The following DMXL1 variants were observed in gnomAD, a reference collection of about 807,000 sequenced individuals.
The protein encoded by DMXL1 is dmX-like protein 1.
DMXL1 carries 99 observed loss-of-function variants against 319.2 expected under a neutral mutation model. The observed-to-expected ratio is 0.31, with a 90% CI of 0.26 to 0.37. The LOEUF is 0.37. Ranked by LOEUF, DMXL1 falls within the 10% of genes least tolerant of loss-of-function variation. The pLI is 1.00. For synonymous variants in DMXL1, 1,385 were observed against 1,235.2 expected (o/e 1.12, Z -2.54); for missense variants, 3,745 against 3,595.6 (o/e 1.04, Z -1.06).
intron 25 of DMXL1, among the ~76,000 whole-genome samples, chr5:119,174,131 C>CT (rs1039741155): frequency 2.0e-5 from 3 of 152,044 alleles, no homozygotes; most frequent in Admixed American, 6.6e-5. Flanking sequence ...GCACAATCTG[C>CT]TTTAATCAGT....
chr5:119,168,722 A>G (rs1040807687), intron 23 of DMXL1, among the ~76,000 whole-genome samples: 1 of 142,358 alleles, frequency 7.0e-6, no homozygotes, highest in Non-Finnish European at 1.5e-5. Context: ...GTTTTTATTT[A>G]AAAAAAAAAA....
chr5:119,216,281 A>G (rs1019390871), intron 34 of DMXL1, among the ~76,000 whole-genome samples: 3 of 152,088 alleles, frequency 2.0e-5, no homozygotes, highest in African/African-American at 7.2e-5. Flanking sequence ...AAGGTCAAAT[A>G]TATGTCCCTC....
chr5:119,194,506 ATGT>A (rs1170626137), intron 30 of DMXL1, among the ~76,000 whole-genome samples: 3 of 150,416 alleles, frequency 2.0e-5, no homozygotes, highest in African/African-American at 7.6e-5. Context: ...CTCTATTGAT[ATGT>A]TTACATCTAA....
At chr5:119,211,250 A>G (rs1368711475) in intron 34 of DMXL1, among the ~76,000 whole-genome samples, 1 of 152,142 alleles carries the variant, frequency 6.6e-6, no homozygotes, top group Non-Finnish European at 1.5e-5. Context: ...TGTTGGTCTC[A>G]GATTAGTGCT....
At chr5:119,157,382 C>CA (rs1295468738) in intron 19 of DMXL1, among the ~76,000 whole-genome samples, 9 of 152,038 alleles carry the variant, frequency 5.9e-5, no homozygotes, top group Admixed American at 3.9e-4. Context: ...GTGTGATATC[C>CA]AAAAAAATCA....
In DMXL1 at chr5:119,121,048, G is replaced by A. The variant is rs1761933373; in HGVS notation, c.1011G>A (p.Gln337=). The change falls in exon 9 of 44, where the codon CAG becomes CAA. Residue 337 remains glutamine, a synonymous_variant. Coordinates refer to ENST00000539542, the MANE Select transcript of DMXL1 (RefSeq NM_001290321.3). ...CACATACGGGATATCTACCACATCAGCAGGATCCTCATCATGTTCACAGGA... is the reference window on the plus strand; with the variant it reads ...CACATACGGGATATCTACCACATCAACAGGATCCTCATCATGTTCACAGGA... ...LVAHTGYLPH[Q]QDPHHVHRNT... 2 of 1,613,782 alleles carry A rather than the reference G, an allele frequency of 1.2e-6. No homozygotes were observed. Among genetic ancestry groups the A allele is most frequent in the Non-Finnish European group, 8.5e-7 (1 of 1,179,946 alleles).
chr5:119,215,452 T>C lies in DMXL1; in HGVS notation c.7927-1449T>C, dbSNP rs574448542. On this transcript the variant is annotated intron_variant, in intron 34 of 43. Transcript: ENST00000539542. ...CCACTCAAGTAGCTGGGATTACCGA[T>C]GCGCACCATCACGCCTGGCTAATTT... 6.6e-5 allele frequency among the ~76,000 whole-genome samples: 10 copies of C among 152,184 alleles called. No homozygotes were observed. In the South Asian group the frequency reaches 2.1e-3, roughly 32 times the overall value.
Position 119,134,289 on chromosome 5 carries a change from G to A in DMXL1, c.2276G>A (p.Ser759Asn). 1 of 1,613,726 alleles carries A rather than the reference G, an allele frequency of 6.2e-7. No individual in the cohort carries two copies. The highest frequency in any genetic ancestry group is 1.1e-5 in the South Asian group (1 of 90,998). ...CTAGGTGCATACTGCAACTCTCCTA[G>A]TGCATGCTTTGTAGCCAGTGATGGA... ...YCLGAYCNSPSACFVASDGQY... is the reference protein window; with the variant it reads ...YCLGAYCNSPNACFVASDGQY... Residue 759 changes from serine to asparagine, a missense_variant, in exon 13 of 44, where the codon AGT becomes AAT. Physicochemically the swap from Ser to Asn is conservative, Grantham distance 46. Coordinates refer to ENST00000539542, the MANE Select transcript of DMXL1 (RefSeq NM_001290321.3).
At chr5:119,188,281 A>G (rs1778105933) in intron 28 of DMXL1, among the ~76,000 whole-genome samples, 1 of 152,202 alleles carries the variant, frequency 6.6e-6, no homozygotes, top group Admixed American at 6.5e-5. Context: ...ACATAAAAAC[A>G]AAAACAGCCA....
rs769621118 is a variant in DMXL1 at position 119,133,146 on chromosome 5, G to A, written c.1330G>A (p.Val444Ile). ...TTTGCTTATAGAAACTGATGATGGT[G>A]TTGATGATCTGAAAATAAATCCCGA... ...VKSDEETDDG[V>I]DDLKINPEKK... The change falls in exon 11 of 44, where the codon GTT (valine) becomes ATT (isoleucine). Residue 444 changes from valine to isoleucine, a missense_variant. Around this residue, in one of 4 missense-constraint regions of DMXL1, gnomAD observed 2,096 missense variants for 1,985.4 expected, o/e 1.06. Coordinates refer to ENST00000539542, the MANE Select transcript of DMXL1 (RefSeq NM_001290321.3). 1.2e-6 allele frequency: 2 copies of A among 1,613,902 alleles called. No individual in the cohort carries two copies. The highest frequency in any genetic ancestry group is 1.7e-6 in the Non-Finnish European group (2 of 1,179,864).
At chr5:119,124,904 C>G (rs998645629) in intron 9 of DMXL1, among the ~76,000 whole-genome samples, 5 of 152,152 alleles carry the variant, frequency 3.3e-5, no homozygotes, top group African/African-American at 1.2e-4. Flanking sequence ...TTAAAATTTG[C>G]TTGTTACCAA....
chr5:119,211,003 G>A (rs1032177952), intron 34 of DMXL1, among the ~76,000 whole-genome samples: 1 of 141,596 alleles, frequency 7.1e-6, no homozygotes, highest in East Asian at 2.1e-4. Flanking sequence ...TTTATCAAAT[G>A]ATTTTTTTTT....
chr5:119,127,156 A>G (rs1330136595), intron 9 of DMXL1: 1 of 160,250 alleles, frequency 6.2e-6, no homozygotes, highest in Non-Finnish European at 1.4e-5. Flanking sequence ...CGTAATGGGC[A>G]TTATCAGGAA....
chr5:119,150,203 T>C lies in DMXL1; in HGVS notation c.4376T>C (p.Leu1459Ser), dbSNP rs557735306. The stretch of plus-strand genomic sequence containing the variant: ...CTTCTAATGACTGATACTCATATGT[T>C]AGAGACAGATGAAGAAAATACAAAG... Reference protein sequence around the residue: ...TQLLMTDTHMLETDEENTKPR... With the variant: ...TQLLMTDTHMSETDEENTKPR... The change falls in exon 18 of 44, where the codon TTA becomes TCA. Residue 1459 changes from leucine to serine, a missense_variant. This residue lies in a region of DMXL1 where 2,096 missense variants were observed against 1,985.4 expected (regional missense o/e 1.06). Transcript: ENST00000539542. The C allele has an allele frequency of 2.8e-5, 45 of 1,613,660 alleles. No individual in the cohort carries two copies. In the South Asian group the frequency reaches 4.6e-4, roughly 17 times the overall value.
At position 119,178,248 on chromosome 5, in the gene DMXL1, A is replaced by C. The variant is rs1200803436; in HGVS notation, c.7135+4A>C. The C allele has an allele frequency of 6.2e-7, 1 of 1,609,058 alleles. No individual in the cohort carries two copies. Among genetic ancestry groups the C allele is most frequent in the East Asian group, 2.2e-5 (1 of 44,826 alleles). ...ACACATTCAAAAACTTTACCTGGTGAGTTTAAAAAATTTTTTTAGGACTGA... is the reference window on the plus strand; with the variant it reads ...ACACATTCAAAAACTTTACCTGGTGCGTTTAAAAAATTTTTTTAGGACTGA... On this transcript the variant is annotated splice_donor_region_variant and intron_variant, in intron 28 of 43. Transcript: ENST00000539542.
At chr5:119,198,690 A>G (rs1212680256) in intron 32 of DMXL1, among the ~76,000 whole-genome samples, 1 of 152,216 alleles carries the variant, frequency 6.6e-6, no homozygotes, top group Non-Finnish European at 1.5e-5. Context: ...TCCTCAGCAA[A>G]AAGAACAAGG....
Position 119,147,318 on chromosome 5 carries a change from A to G in DMXL1, c.2759A>G (p.Glu920Gly), listed in dbSNP as rs1381190360. The change falls in exon 17 of 44, where the codon GAG (glutamate) becomes GGG (glycine). Residue 920 changes from glutamate to glycine, a missense_variant. Physicochemically the swap from Glu to Gly is moderately conservative, Grantham distance 98. This residue lies in a region of DMXL1 where 2,096 missense variants were observed against 1,985.4 expected (regional missense o/e 1.06). Coordinates refer to ENST00000539542, the MANE Select transcript of DMXL1 (RefSeq NM_001290321.3). The stretch of plus-strand genomic sequence containing the variant: ...GAAGAACATTATTCTTCTTCTCCAG[A>G]GAAGATCCTATCTCCTTTTTCACAA... The part of the protein sequence containing the change: ...QPEEHYSSSP[E>G]KILSPFSQKY... 2 of 1,613,492 alleles carry G rather than the reference A, an allele frequency of 1.2e-6. No homozygotes were observed. Among genetic ancestry groups the G allele is most frequent in the Non-Finnish European group, 1.7e-6 (2 of 1,179,740 alleles).
At chr5:119,193,458 CCTT>C (rs1242310401) in intron 29 of DMXL1, among the ~76,000 whole-genome samples, 2 of 152,140 alleles carry the variant, frequency 1.3e-5, no homozygotes, top group Non-Finnish European at 2.9e-5. Flanking sequence ...TCTCAATTCT[CCTT>C]ATTCTCCATT....
chr5:119,082,062 C>CAT (rs1752374611), intron 1 of DMXL1, among the ~76,000 whole-genome samples: 1 of 144,750 alleles, frequency 6.9e-6, no homozygotes. Context: ...CACACATACA[C>CAT]GTATATACAT....
Sources: allele counts gnomAD v4.1 joint callset (sites outside exome capture counted in the v4.1 genomes callset), GRCh38; gene constraint gnomAD v4.1.1; regional missense constraint gnomAD v4.1.1; transcripts MANE v1.5; gene names NCBI Gene and HGNC (gene_info 2026-07-23, HGNC 2026-07-21).